Variants in PLPPR1 observed in about 807,000 individuals in gnomAD.
PLPPR1 encodes phospholipid phosphatase related 1.
PLPPR1 carries 10 observed loss-of-function variants against 33.1 expected under a neutral mutation model. The ratio of observed to expected loss-of-function variants is 0.30; its 90% CI spans 0.19 to 0.51. The LOEUF is 0.51. PLPPR1 is among the 20% of genes least tolerant of loss of function. PLPPR1 has a pLI of 0.97. For missense variants in PLPPR1, 304 were observed against 408.1 expected, an observed-to-expected ratio of 0.74 and a Z score of 2.20; for synonymous variants, 151 against 151.0, an observed-to-expected ratio of 1.00 and a Z score of 0.00.
chr9:101,156,254 A>C (rs1476876829), intron 1 of PLPPR1, among the ~76,000 whole-genome samples: 1 of 152,096 alleles, frequency 6.6e-6, no homozygotes, highest in Non-Finnish European at 1.5e-5. Flanking sequence ...CTAATGTTAG[A>C]GATAGCTGCA....
At chr9:101,156,724 A>T (rs1831699246) in intron 1 of PLPPR1, among the ~76,000 whole-genome samples, 1 of 152,146 alleles carries the variant, frequency 6.6e-6, no homozygotes, top group Admixed American at 6.6e-5. Context: ...AGAGAAAGGG[A>T]ATACCTGAGG....
chr9:101,252,568 T>G (rs1284546389), intron 2 of PLPPR1, among the ~76,000 whole-genome samples: 1 of 152,148 alleles, frequency 6.6e-6, no homozygotes, highest in Non-Finnish European at 1.5e-5. Context: ...TAAAGGAAAA[T>G]GAGAACATCT....
At chr9:101,218,402 G>A (rs889460992) in intron 2 of PLPPR1, among the ~76,000 whole-genome samples, 2 of 152,186 alleles carry the variant, frequency 1.3e-5, no homozygotes, top group Non-Finnish European at 2.9e-5. Context: ...TCTGACATCA[G>A]TCTAGTTCTG....
At chr9:101,282,463 A>C (rs1828322533) in intron 3 of PLPPR1, among the ~76,000 whole-genome samples, 1 of 152,232 alleles carries the variant, frequency 6.6e-6, no homozygotes, top group Non-Finnish European at 1.5e-5. Flanking sequence ...TTCATGTTCA[A>C]CGGAGAAAAG....
intron 2 of PLPPR1, among the ~76,000 whole-genome samples, chr9:101,204,399 A>G (rs1451488837): frequency 6.6e-6 from 1 of 152,180 alleles, no homozygotes; most frequent in African/African-American, 2.4e-5. Flanking sequence ...CACTAAACCC[A>G]ATCATCTCTG....
chr9:101,099,417 G>A (rs1830867279), intron 1 of PLPPR1, among the ~76,000 whole-genome samples: 1 of 152,022 alleles, frequency 6.6e-6, no homozygotes, highest in Non-Finnish European at 1.5e-5. Context: ...GCAAAGTTGA[G>A]AGAAATTAAT....
intron 1 of PLPPR1, among the ~76,000 whole-genome samples, chr9:101,036,417 G>A (rs1338199948): frequency 1.3e-5 from 2 of 152,100 alleles, no homozygotes; most frequent in African/African-American, 2.4e-5. Flanking sequence ...CTATCTGCCT[G>A]TCATCTCTCT....
chr9:101,120,938 T>C (rs1253371740), intron 1 of PLPPR1, among the ~76,000 whole-genome samples: 1 of 152,224 alleles, frequency 6.6e-6, no homozygotes, highest in Non-Finnish European at 1.5e-5. Flanking sequence ...AGGACTCAAC[T>C]TAAATAGCAT....
At chr9:101,077,818 T>A (rs1830558212) in intron 1 of PLPPR1, among the ~76,000 whole-genome samples, 1 of 151,864 alleles carries the variant, frequency 6.6e-6, no homozygotes, top group Non-Finnish European at 1.5e-5. Context: ...GAAAGGGCAA[T>A]TTCCAAAAGG....
intron 2 of PLPPR1, among the ~76,000 whole-genome samples, chr9:101,205,213 G>A (rs1470842835): frequency 6.6e-6 from 1 of 152,124 alleles, no homozygotes; most frequent in Non-Finnish European, 1.5e-5. Flanking sequence ...GAATCACTAG[G>A]AGAGTTAAAA....
chr9:101,200,218 A>C (rs2118746043), intron 2 of PLPPR1, among the ~76,000 whole-genome samples: 2 of 152,326 alleles, frequency 1.3e-5, no homozygotes, highest in Middle Eastern at 6.8e-3. Flanking sequence ...TCAGTGGGAC[A>C]ATTCACAGGA....
chr9:101,048,528 G>A (rs939235967), intron 1 of PLPPR1, among the ~76,000 whole-genome samples: 2 of 152,164 alleles, frequency 1.3e-5, no homozygotes, highest in Non-Finnish European at 2.9e-5. Flanking sequence ...GGCTAACCTG[G>A]AGAAATGGGG....
At chr9:101,163,209 A>T (rs1025695894) in intron 1 of PLPPR1, among the ~76,000 whole-genome samples, 3 of 152,216 alleles carry the variant, frequency 2.0e-5, no homozygotes, top group Non-Finnish European at 4.4e-5. Context: ...GAATAGTATC[A>T]TAGTTTGTTC....
intron 1 of PLPPR1, among the ~76,000 whole-genome samples, chr9:101,130,189 G>C (rs187113483): frequency 6.6e-6 from 1 of 152,032 alleles, no homozygotes; most frequent in Non-Finnish European, 1.5e-5. Context: ...ATGAAGCTGG[G>C]GGAAAAAGCA....
intron 4 of PLPPR1, among the ~76,000 whole-genome samples, chr9:101,290,138 G>A (rs1470306647): frequency 6.6e-6 from 1 of 152,090 alleles, no homozygotes; most frequent in Non-Finnish European, 1.5e-5. Flanking sequence ...CTCTTTAAAT[G>A]GAAATGTTTT....
chr9:101,235,664 C>T (rs1312406884), intron 2 of PLPPR1, among the ~76,000 whole-genome samples: 2 of 151,788 alleles, frequency 1.3e-5, no homozygotes, highest in African/African-American at 4.8e-5. Flanking sequence ...CTTCTTGGGT[C>T]TAGCTCTTCT....
intron 7 of PLPPR1, among the ~76,000 whole-genome samples, chr9:101,318,208 T>C (rs1386368111): frequency 6.6e-6 from 1 of 152,098 alleles, no homozygotes; most frequent in Non-Finnish European, 1.5e-5. Flanking sequence ...GAAAGGTGGA[T>C]ATAAATAGGT....
At chr9:101,267,718 A>C (rs1828021874) in intron 2 of PLPPR1, among the ~76,000 whole-genome samples, 2 of 151,468 alleles carry the variant, frequency 1.3e-5, no homozygotes, top group Admixed American at 1.3e-4. Flanking sequence ...TTGTACTTGA[A>C]GCTGGGTGCA....
chr9:101,061,236 G>A (rs939484701), intron 1 of PLPPR1, among the ~76,000 whole-genome samples: 1 of 151,962 alleles, frequency 6.6e-6, no homozygotes, highest in Middle Eastern at 3.4e-3. Context: ...TATAAGATAT[G>A]AAATATATCT....
Sources: allele counts gnomAD v4.1 joint callset (sites outside exome capture counted in the v4.1 genomes callset), GRCh38; gene constraint gnomAD v4.1.1; transcripts MANE v1.5; gene names NCBI Gene and HGNC (gene_info 2026-07-23, HGNC 2026-07-21).